Variants in WNK4 observed in about 807,000 individuals in gnomAD.
The protein encoded by WNK4 is serine/threonine-protein kinase WNK4.
A neutral mutation model predicts 116.2 loss-of-function variants in WNK4; 94 were observed. The ratio of observed to expected loss-of-function variants is 0.81; its 90% CI spans 0.68 to 0.96. The LOEUF is 0.96. WNK4 is among the 40% of genes least tolerant of loss of function. The pLI is 0.00. For missense variants in WNK4, 1,542 were observed against 1,650.6 expected (o/e 0.93, Z 1.14); for synonymous variants, 655 against 672.7 (o/e 0.97, Z 0.41).
Position 42,784,121 on chromosome 17 carries a change from A to G in WNK4, c.976A>G (p.Thr326Ala), listed in dbSNP as rs2054515414. Residue 326 changes from threonine (T) to alanine (A), a missense_variant, in exon 3 of 19, where the codon ACG becomes GCG. Physicochemically the swap from Thr to Ala is moderately conservative, Grantham distance 58 (BLOSUM62 0). Transcript: ENST00000246914. This position sits in a 1 kb window ranked among gnomAD's most constrained non-coding sequence, Gnocchi z 4.4. ...SVKIGDLGLA[T>A]LKRASFAKSV... is the part of the protein sequence containing the mutation. ...CAAAATCGGGGACCTGGGCCTGGCC[A>G]CGCTCAAGCGCGCCTCCTTTGCCAA... 2.5e-6 allele frequency: 4 copies of G among 1,609,366 alleles called. No homozygotes were observed. The highest frequency in any genetic ancestry group is 3.3e-4 in the Middle Eastern group (2 of 6,062).
rs747561881 is a variant in WNK4, at chr17:42,780,943, A to AC, written c.252dup (p.Asp85ArgfsTer17). On this transcript the variant is annotated frameshift_variant, in exon 1 of 19. Transcript: ENST00000246914. LOFTEE classifies it high-confidence loss of function. ...TCCCTGCCAGCCTCACCCGCTCCGGACCCCCCCGATCCTCCGGACTCCGCT... is the reference window on the plus strand; with the variant it reads ...TCCCTGCCAGCCTCACCCGCTCCGGACCCCCCCCGATCCTCCGGACTCCGCT... 41 of 1,608,334 alleles carry AC rather than the reference A, an allele frequency of 2.5e-5. No homozygotes were observed. Among genetic ancestry groups the AC allele is most frequent in the Non-Finnish European group, 2.8e-5 (33 of 1,179,358 alleles).
At chr17:42,786,843 C>A (rs560513848) in intron 6 of WNK4, among the ~76,000 whole-genome samples, 19 of 152,318 alleles carry the variant, frequency 1.2e-4, no homozygotes, top group African/African-American at 4.1e-4. Context: ...CCATTGCTGA[C>A]AAGGGATTCT....
In WNK4 at chr17:42,796,973, A is replaced by G; in HGVS notation, c.*285A>G. 1 of 577,374 alleles carries G rather than the reference A, an allele frequency of 1.7e-6. No homozygotes were observed. The highest frequency in any genetic ancestry group is 3.0e-6 in the Non-Finnish European group (1 of 329,094). The allele number at this position is 577,374 out of a possible 1,614,324, so 35.8% of individuals were successfully genotyped here. A position where few individuals can be genotyped will look rare whatever the true frequency, so the allele number is the denominator to read the frequency against. ...ACTAAGCAATCCCACCCAAGCCTGG[A>G]TGCTTCTAGAGGGGCCCACTCCCAG... On this transcript the variant is annotated 3_prime_UTR_variant, in exon 19 of 19. Coordinates refer to ENST00000246914, the MANE Select transcript of WNK4 (RefSeq NM_032387.5).
chr17:42,786,793 C>T (rs2054553827), intron 6 of WNK4, among the ~76,000 whole-genome samples: 1 of 152,186 alleles, frequency 6.6e-6, no homozygotes, highest in South Asian at 2.1e-4. Context: ...GAGCAGGTCT[C>T]CATAGCACGG....
At chr17:42,785,069 G>T (rs1182123877) in intron 4 of WNK4, 28 bp from the exon 5 acceptor site, 5 of 1,603,440 alleles carry the variant, frequency 3.1e-6, no homozygotes, top group African/African-American at 1.3e-5. Context: ...ATCAGAGGAC[G>T]GGAGGTGTCA....
At chr17:42,781,894 G>C (rs763876562) in intron 1 of WNK4, among the ~76,000 whole-genome samples, 11 of 152,210 alleles carry the variant, frequency 7.2e-5, no homozygotes, top group Non-Finnish European at 1.5e-4. Context: ...GGGGGACATA[G>C]GGAGCTCCAG....
At chr17:42,786,721 C>T (rs1568029007) in intron 6 of WNK4, among the ~76,000 whole-genome samples, 1 of 152,154 alleles carries the variant, frequency 6.6e-6, no homozygotes, top group Non-Finnish European at 1.5e-5. Context: ...AGAGACATGA[C>T]AGTTGCAAGG....
chr17:42,784,651 C>T lies in WNK4; in HGVS notation c.1170+72C>T. The T allele has an allele frequency of 6.3e-7, 1 of 1,586,482 alleles. No homozygotes were observed. The highest frequency in any genetic ancestry group is 8.6e-7 in the Non-Finnish European group (1 of 1,165,010). ...CCCTTTTCCTGCGCCGGCCAGCCCG[C>T]AGTCAATGCCCTTTGCCTGCACGAA... On this transcript the variant is annotated intron_variant, in intron 4 of 18. Transcript: ENST00000246914. The surrounding 1 kb of genome is among the most constrained non-coding windows in gnomAD (Gnocchi z 4.4).
In WNK4 at chr17:42,780,828, C is replaced by G. The variant is rs1167462538; in HGVS notation, c.130C>G (p.Arg44Gly). The G allele has an allele frequency of 6.2e-7, 1 of 1,601,466 alleles. No homozygotes were observed. Among genetic ancestry groups the G allele is most frequent in the Non-Finnish European group, 8.5e-7 (1 of 1,178,196 alleles). ...PRLGPPPRRA[R>G]RFSGKAEPRP... ...CCTCGGGCCCCCTCCTCGCCGAGCG[C>G]GCCGCTTCTCCGGGAAGGCTGAGCC... The change falls in exon 1 of 19, where the codon CGC (arginine) becomes GGC (glycine). Residue 44 changes from arginine to glycine, a missense_variant. Coordinates refer to ENST00000246914, the MANE Select transcript of WNK4 (RefSeq NM_032387.5).
In WNK4 at chr17:42,794,958, T is replaced by C. The variant is rs1342043035; in HGVS notation, c.2537T>C (p.Ile846Thr). The change falls in exon 14 of 19, where the codon ATT becomes ACT. Residue 846 changes from isoleucine (I) to threonine (T), a missense_variant. This residue lies in a region of WNK4 where 808 missense variants were observed against 873.6 expected (regional missense o/e 0.92). Coordinates refer to ENST00000246914, the MANE Select transcript of WNK4 (RefSeq NM_032387.5). ...CHPSPSPFSP[I>T]SSQVSSNPSP... The stretch of plus-strand genomic sequence containing the variant: ...CCCAGCCCCTCCCCATTCTCCCCCA[T>C]TTCTTCCCAGGTCTCCTCAAATCCC... 1 of 1,082,862 alleles carries C rather than the reference T, an allele frequency of 9.2e-7. No homozygotes were observed. The highest frequency in any genetic ancestry group is 1.2e-5 in the South Asian group (1 of 81,870). The allele number at this position is 1,082,862 out of a possible 1,614,324, so 67.1% of individuals were successfully genotyped here.
chr17:42,795,443 T>C lies in WNK4; in HGVS notation c.2962-18T>C, dbSNP rs2067048035. 1.9e-6 allele frequency: 3 copies of C among 1,614,072 alleles called. No individual in the cohort carries two copies. The highest frequency in any genetic ancestry group is 1.7e-5 in the Admixed American group (1 of 60,004). ...TCCACTCTGCACTCTTCCCTTCTCA[T>C]GGCCCCCCACTTTCTAGGCCTCACC... On this transcript the variant is annotated intron_variant, in intron 14 of 18. Transcript: ENST00000246914.
At chr17:42,787,733 TC>T in intron 7 of WNK4, 44 bp from the exon 8 acceptor site, 1 of 1,606,710 alleles carries the variant, frequency 6.2e-7, no homozygotes, top group Non-Finnish European at 8.5e-7. Flanking sequence ...CTGCCACTAT[TC>T]CCTTTTATTT....
At chr17:42,787,930 C>A in intron 8 of WNK4, 31 bp downstream of exon 8, 1 of 1,606,254 alleles carries the variant, frequency 6.2e-7, no homozygotes. Context: ...GGGCTCCCAG[C>A]CATTCCAAGC....
intron 10 of WNK4, 81 bp downstream of exon 10, chr17:42,788,488 A>T (rs2054576467): frequency 7.1e-7 from 1 of 1,407,274 alleles, no homozygotes; most frequent in Admixed American, 1.7e-5. Context: ...GAGGTCACCC[A>T]GAAAACGGGA....
In WNK4 at chr17:42,781,068, C is replaced by T. The variant is rs756510719; in HGVS notation, c.370C>T (p.Arg124Cys). 1 of 1,612,176 alleles carries T rather than the reference C, an allele frequency of 6.2e-7. No homozygotes were observed. Among genetic ancestry groups the T allele is most frequent in the Non-Finnish European group, 8.5e-7 (1 of 1,179,634 alleles). The change falls in exon 1 of 19, where the codon CGT (arginine) becomes TGT (cysteine). Residue 124 changes from arginine to cysteine, a missense_variant. Physicochemically the swap from Arg to Cys is radical, Grantham distance 180 (BLOSUM62 -3). Around this residue, in one of 7 missense-constraint regions of WNK4, gnomAD observed 243 missense variants for 217.8 expected, o/e 1.12. Coordinates refer to ENST00000246914, the MANE Select transcript of WNK4 (RefSeq NM_032387.5). ...APVKAAEDSA[R>C]PELPDSAVGP... Reference sequence around the variant, plus strand: ...TGTGAAGGCTGCGGAAGACTCCGCGCGTCCCGAGCTCCCGGACTCTGCAGT... The same window carrying T: ...TGTGAAGGCTGCGGAAGACTCCGCGTGTCCCGAGCTCCCGGACTCTGCAGT...
In WNK4 at chr17:42,783,968, CGG is replaced by C. The variant is rs764187518; in HGVS notation, c.825_826del (p.Val276ProfsTer78). 6.2e-7 allele frequency: 1 copy of C among 1,613,956 alleles called. No individual in the cohort carries two copies. Among genetic ancestry groups the C allele is most frequent in the Non-Finnish European group, 8.5e-7 (1 of 1,179,990 alleles). On this transcript the variant is annotated frameshift_variant, in exon 3 of 19. Coordinates refer to ENST00000246914, the MANE Select transcript of WNK4 (RefSeq NM_032387.5). LOFTEE classifies it high-confidence loss of function. Reference sequence around the variant, plus strand: ...GAGGCGGTTCCGGGAGATGAAGCCGCGGGTCCTTCAGCGCTGGAGCCGCCAAA... The same window carrying C: ...GAGGCGGTTCCGGGAGATGAAGCCGCGTCCTTCAGCGCTGGAGCCGCCAAA... ...YLRRFREMKP[R>X]VLQRWSRQIL... is the part of the protein sequence containing the mutation.
intron 11 of WNK4, among the ~76,000 whole-genome samples, chr17:42,791,040 T>C (rs1230263644): frequency 6.6e-6 from 1 of 152,178 alleles, no homozygotes; most frequent in Non-Finnish European, 1.5e-5. Context: ...TTCCTGCCTC[T>C]GCCTCCACCT....
At position 42,796,289 on chromosome 17, in the gene WNK4, A is replaced by G; in HGVS notation, c.3598A>G (p.Asn1200Asp). 1 of 1,612,526 alleles carries G rather than the reference A, an allele frequency of 6.2e-7. No homozygotes were observed. Residue 1200 changes from asparagine (N) to aspartate (D), a missense_variant, in exon 17 of 19, where the codon AAC (asparagine) becomes GAC (aspartate). Transcript: ENST00000246914. ...GGGCAGCTTCCCCACCTCCCGCCGC[A>G]ACAGCCTACAGCGCTCTGAGCCCCC... Reference protein sequence around the residue: ...SKGSFPTSRRNSLQRSEPPGP... With the variant: ...SKGSFPTSRRDSLQRSEPPGP...
At position 42,787,437 on chromosome 17, in the gene WNK4, A is replaced by G. The variant is rs751882141; in HGVS notation, c.1636A>G (p.Met546Val). The change falls in exon 7 of 19, where the codon ATG (methionine) becomes GTG (valine). Residue 546 changes from methionine to valine, a missense_variant. Coordinates refer to ENST00000246914, the MANE Select transcript of WNK4 (RefSeq NM_032387.5). ...EPGPPPATVP[M>V]APGPPSVFPP... ...AGGACCTCCACCAGCAACTGTGCCC[A>G]TGGCCCCCGGTCCCCCCAGTGTCTT... is the stretch of plus-strand genomic sequence containing the variant. 1.9e-6 allele frequency: 3 copies of G among 1,613,712 alleles called. No individual in the cohort carries two copies. In the East Asian group the frequency reaches 6.7e-5, roughly 36 times the overall value.
Sources: allele counts gnomAD v4.1 joint callset (sites outside exome capture counted in the v4.1 genomes callset), GRCh38; gene constraint gnomAD v4.1.1; regional missense constraint gnomAD v4.1.1; non-coding constraint Gnocchi (gnomAD v3.1); transcripts MANE v1.5; gene names NCBI Gene and HGNC (gene_info 2026-07-23, HGNC 2026-07-21).